The following ITGB5 variants were observed in gnomAD, a reference collection of about 807,000 sequenced individuals.
The protein encoded by ITGB5 is integrin subunit beta 5.
A neutral mutation model predicts 84.8 loss-of-function variants in ITGB5; 38 were observed. That is an observed-to-expected ratio of 0.45 (90% CI 0.35 to 0.59). The LOEUF (loss-of-function observed/expected upper bound fraction) is 0.59, where lower values mean the gene tolerates loss of function less well. Among genes scored for constraint, ITGB5 ranks in the 20% least tolerant of loss-of-function variants. The pLI is 0.01. For synonymous variants in ITGB5, 393 were observed against 414.4 expected (o/e 0.95, Z 0.63); for missense variants, 905 against 1,034.5 (o/e 0.87, Z 1.72).
At chr3:124,872,610 A>G (rs921772994) in intron 2 of ITGB5, among the ~76,000 whole-genome samples, 2 of 152,210 alleles carry the variant, frequency 1.3e-5, no homozygotes, top group African/African-American at 4.8e-5. Flanking sequence ...AAAGTCCTGG[A>G]TTCCTTTACA....
intron 9 of ITGB5, among the ~76,000 whole-genome samples, chr3:124,799,230 A>G (rs571223381): frequency 6.6e-6 from 1 of 152,328 alleles, no homozygotes; most frequent in Non-Finnish European, 1.5e-5. Flanking sequence ...GATTCAATCC[A>G]CTTGGACACT....
chr3:124,896,693 T>C (rs933767625), intron 1 of ITGB5, among the ~76,000 whole-genome samples: 1 of 147,078 alleles, frequency 6.8e-6, no homozygotes, highest in Non-Finnish European at 1.5e-5. Context: ...TATAGTGAGC[T>C]ATGATTGCAC....
At chr3:124,833,135 A>C (rs2064882563) in intron 5 of ITGB5, 1 of 152,230 alleles carries the variant, frequency 6.6e-6, no homozygotes, top group Non-Finnish European at 1.5e-5. Flanking sequence ...TGAGGCCAAA[A>C]GTGTAGCATT....
chr3:124,831,215 G>A lies in ITGB5; in HGVS notation c.781-9741C>T, dbSNP rs117727663. On this transcript the variant is annotated intron_variant, in intron 5 of 14. Coordinates refer to ENST00000296181, the MANE Select transcript of ITGB5 (RefSeq NM_002213.5). Reference sequence around the variant, plus strand: ...ACCCACTTATCCCCTCTGCTCTCTCGCTGTCAATGTCTGTCTTAAACACAG... The same window carrying A: ...ACCCACTTATCCCCTCTGCTCTCTCACTGTCAATGTCTGTCTTAAACACAG... Among the ~76,000 whole-genome samples the A allele has an allele frequency of 5.8e-3, 883 of 152,114 alleles. 35 individuals are homozygous for A. The East Asian group carries it at 0.11, about 19-fold the overall frequency.
At chr3:124,767,102 G>C (rs1235923380) in intron 12 of ITGB5, among the ~76,000 whole-genome samples, 1 of 152,240 alleles carries the variant, frequency 6.6e-6, no homozygotes, top group African/African-American at 2.4e-5. Context: ...AGGGTTAGCG[G>C]GCTGTTTTTT....
At chr3:124,830,045 C>T (rs1333832795) in intron 5 of ITGB5, among the ~76,000 whole-genome samples, 1 of 152,230 alleles carries the variant, frequency 6.6e-6, no homozygotes, top group East Asian at 1.9e-4. Flanking sequence ...GGCTTGTTCA[C>T]TTCCAACATC....
rs35455753 is a variant in ITGB5, at chr3:124,892,691, T to TAA, written c.-255+8573_-255+8574dup. Among the ~76,000 whole-genome samples the TAA allele has an allele frequency of 5.6e-4, 51 of 91,672 alleles. 1 individual carries two copies. The highest frequency in any genetic ancestry group is 4.7e-3 in the Admixed American group (37 of 7,914). The allele number at this position is 91,672 out of a possible 152,430, so 60.1% of individuals were successfully genotyped here. On this transcript the variant is annotated intron_variant, in intron 1 of 4. Coordinates refer to the ITGB5 transcript ENST00000608657. ...GCCTGGGTGACAGAGGGAGACTCTG[T>TAA]AAAAAAAAAAAAAAAAAAAAAAGTT...
chr3:124,834,467 G>A, intron 5 of ITGB5, among the ~76,000 whole-genome samples: 1 of 137,982 alleles, frequency 7.2e-6, no homozygotes, highest in Non-Finnish European at 1.6e-5. Flanking sequence ...AGGAAAGAGA[G>A]AGAGAAAGAA....
chr3:124,869,143 C>A (rs1226919005), intron 2 of ITGB5, among the ~76,000 whole-genome samples: 2 of 152,184 alleles, frequency 1.3e-5, no homozygotes, highest in Non-Finnish European at 2.9e-5. Context: ...CTGGCCCTCA[C>A]CGGCTGTCTA....
rs759466977 is a variant in ITGB5 at position 124,796,368 on chromosome 3, T to C, written c.1693+20A>G. 10 of 1,584,088 alleles carry C rather than the reference T, an allele frequency of 6.3e-6. No homozygotes were observed. Among genetic ancestry groups the C allele is most frequent in the Non-Finnish European group, 8.6e-6 (10 of 1,161,484 alleles). The stretch of plus-strand genomic sequence containing the variant: ...ATCTTGGCCTGGCTCAGAGCTAAAG[T>C]GCTTGCTGGGGACACTTACCTGAGC... On this transcript the variant is annotated intron_variant, in intron 10 of 14. Transcript: ENST00000296181.
At chr3:124,851,357 C>T (rs1431896135) in intron 3 of ITGB5, among the ~76,000 whole-genome samples, 2 of 152,110 alleles carry the variant, frequency 1.3e-5, no homozygotes, top group African/African-American at 4.8e-5. Flanking sequence ...ACTTTGGCCT[C>T]GGTTTTCCCA....
At chr3:124,887,764 G>A (rs549171184), upstream of ITGB5, 1 of 430,370 alleles carries the variant, frequency 2.3e-6, no homozygotes, top group Admixed American at 2.4e-5. Flanking sequence ...CGGGGGTCGT[G>A]CCGGTACCGC....
At chr3:124,808,954 G>A (rs568274327) in intron 9 of ITGB5, 68 bp downstream of exon 9, 13 of 1,538,762 alleles carry the variant, frequency 8.4e-6, no homozygotes, top group African/African-American at 1.4e-5. Flanking sequence ...AGTCACAAAA[G>A]TTATTAGAAC....
rs748784158 is a variant in ITGB5 at position 124,894,134 on chromosome 3, CT to C, written c.-255+7131del. Among the ~76,000 whole-genome samples the C allele has an allele frequency of 1.8e-3, 190 of 104,354 alleles. 5 individuals are homozygous for C. The highest frequency in any genetic ancestry group is 5.6e-3 in the African/African-American group (150 of 26,892). The allele number at this position is 104,354 out of a possible 152,430, so 68.5% of individuals were successfully genotyped here. On this transcript the variant is annotated intron_variant, in intron 1 of 4. Coordinates refer to the ITGB5 transcript ENST00000608657. The stretch of plus-strand genomic sequence containing the variant: ...TTATAGTAAAAGTTGTGATATTTTT[CT>C]TTTTTTTTTTTTTTTTTGAGACAGA...
At chr3:124,896,669 C>A (rs1242111350) in intron 1 of ITGB5, among the ~76,000 whole-genome samples, 1 of 149,844 alleles carries the variant, frequency 6.7e-6, no homozygotes, top group East Asian at 2.0e-4. Context: ...TGCTTAAGCC[C>A]AGGAGTTCGA....
Position 124,766,218 on chromosome 3 carries a change from T to G in ITGB5, c.2137+8A>C, listed in dbSNP as rs2291080. The stretch of plus-strand genomic sequence containing the variant: ...TGAGTGGGCCGAGCCCTTGCAGCCC[T>G]CACCTACCTGGCTCCCTGAGGACGG... On this transcript the variant is annotated splice_region_variant and intron_variant, in intron 13 of 14. Coordinates refer to ENST00000296181, the MANE Select transcript of ITGB5 (RefSeq NM_002213.5). 1.2e-6 allele frequency: 2 copies of G among 1,612,672 alleles called. No individual in the cohort carries two copies. Among genetic ancestry groups the G allele is most frequent in the South Asian group, 2.2e-5 (2 of 90,802 alleles).
In ITGB5 at chr3:124,809,162, T is replaced by C. The variant is rs2064458136; in HGVS notation, c.1129-6A>G. 1 of 1,613,710 alleles carries C rather than the reference T, an allele frequency of 6.2e-7. No individual in the cohort carries two copies. On this transcript the variant is annotated splice_region_variant and splice_polypyrimidine_tract_variant and intron_variant, in intron 8 of 14. Transcript: ENST00000296181. ...TCCACTTTAGACCGGATACTCTGAA[T>C]GGAGAGAGAAAATGAAGCCCAACCA...
At chr3:124,865,474 C>CTTTTTTTTTTTTTTTT (rs1559977008) in intron 2 of ITGB5, among the ~76,000 whole-genome samples, 2 of 57,876 alleles carry the variant, frequency 3.5e-5, no homozygotes, top group Non-Finnish European at 6.7e-5. Flanking sequence ...TCCTTTGCGG[C>CTTTTTTTTTTTTTTTT]TTTTTTCTTT....
chr3:124,766,083 G>GAA, intron 13 of ITGB5, 143 bp downstream of exon 13: 1 of 721,466 alleles, frequency 1.4e-6, no homozygotes, highest in East Asian at 3.0e-5. Context: ...AAAAGAAAAA[G>GAA]AAGAAATTGT....
Sources: gnomAD v4.1 joint callset for allele counts (sites outside exome capture counted in the v4.1 genomes callset) on GRCh38, gnomAD v4.1.1 for gene constraint, MANE v1.5 for transcripts, NCBI Gene and HGNC (gene_info 2026-07-23, HGNC 2026-07-21) for gene names.